TTLL7: variants seen among roughly 807,000 people sequenced by gnomAD.
The protein encoded by TTLL7 is tubulin polyglutamylase TTLL7.
TTLL7 carries 53 observed loss-of-function variants against 120.2 expected under a neutral mutation model. The ratio of observed to expected loss-of-function variants is 0.44; its 90% CI spans 0.35 to 0.55. The LOEUF is 0.55. Ranked by LOEUF, TTLL7 falls within the 20% of genes least tolerant of loss-of-function variation. The pLI, the probability that TTLL7 is intolerant of heterozygous loss-of-function variation, is 0.00. For missense variants in TTLL7, 803 were observed against 1,054.7 expected (o/e 0.76, Z 3.31); for synonymous variants, 353 against 351.7 (o/e 1.00, Z -0.04).
chr1:83,907,198 C>T (rs1657263252), intron 16 of TTLL7, among the ~76,000 whole-genome samples: 1 of 152,044 alleles, frequency 6.6e-6, no homozygotes, highest in Non-Finnish European at 1.5e-5. Context: ...TAATATTATC[C>T]TACTATATCA....
At chr1:83,943,021 G>T (rs576729329) in intron 6 of TTLL7, among the ~76,000 whole-genome samples, 7 of 152,278 alleles carry the variant, frequency 4.6e-5, no homozygotes, top group East Asian at 1.9e-4. Context: ...GGTCCTGGAG[G>T]GGGTAGAATG....
At chr1:83,888,840 G>A (rs1190189117) in intron 19 of TTLL7, among the ~76,000 whole-genome samples, 2 of 151,650 alleles carry the variant, frequency 1.3e-5, no homozygotes, top group African/African-American at 4.8e-5. Flanking sequence ...TATAAAGGAG[G>A]AAAATCACTA....
chr1:83,921,807 T>C (rs898167392), intron 10 of TTLL7, among the ~76,000 whole-genome samples: 2 of 152,128 alleles, frequency 1.3e-5, no homozygotes, highest in African/African-American at 4.8e-5. Context: ...AATAGGTACT[T>C]AATATGTAAT....
intron 13 of TTLL7, among the ~76,000 whole-genome samples, chr1:83,919,065 A>G (rs1658423927): frequency 6.6e-6 from 1 of 152,060 alleles, no homozygotes; most frequent in South Asian, 2.1e-4. Context: ...CATGTGAGTG[A>G]AGCTACCCTG....
chr1:83,946,264 G>C (rs1451926234), intron 6 of TTLL7: 1 of 152,130 alleles, frequency 6.6e-6, no homozygotes, highest in East Asian at 1.9e-4. Flanking sequence ...TGTTAGCCAG[G>C]ATGGTCTCGA....
intron 20 of TTLL7, among the ~76,000 whole-genome samples, chr1:83,874,746 A>G (rs1653766523): frequency 6.6e-6 from 1 of 151,930 alleles, no homozygotes; most frequent in African/African-American, 2.4e-5. Context: ...TTCAAATTCT[A>G]CCTTTGCCAA....
chr1:83,968,297 A>C (rs75457727), intron 1 of TTLL7, among the ~76,000 whole-genome samples: 7,122 of 152,078 alleles, frequency 0.047, 229 homozygotes, highest in Middle Eastern at 0.11. Context: ...CACCTAATCC[A>C]AAAATGAGGT....
At chr1:83,992,063 T>C (rs1441823198) in intron 1 of TTLL7, among the ~76,000 whole-genome samples, 1 of 152,154 alleles carries the variant, frequency 6.6e-6, no homozygotes, top group African/African-American at 2.4e-5. Flanking sequence ...AAGATAAATG[T>C]TTAAAAAAGA....
chr1:83,949,315 G>GTTTTT (rs755429825), intron 4 of TTLL7: 1 of 138,824 alleles, frequency 7.2e-6, no homozygotes. Flanking sequence ...TTTTTGTTTT[G>GTTTTT]TTTTTTTTTT....
intron 10 of TTLL7, among the ~76,000 whole-genome samples, chr1:83,928,123 C>T (rs935801298): frequency 7.9e-5 from 12 of 152,036 alleles, no homozygotes; most frequent in African/African-American, 2.9e-4. Context: ...GAATTGATAC[C>T]ATAAATGGCA....
intron 18 of TTLL7, chr1:83,902,095 C>A: frequency 6.6e-6 from 1 of 152,014 alleles, no homozygotes. Context: ...CTGCCTTCCC[C>A]CCTGTTAGAA....
At chr1:83,947,755 C>T (rs1158078917) in intron 5 of TTLL7, 2 of 152,246 alleles carry the variant, frequency 1.3e-5, no homozygotes, top group African/African-American at 4.8e-5. Flanking sequence ...CAGGCAAATA[C>T]TATTTATGTT....
intron 1 of TTLL7, among the ~76,000 whole-genome samples, chr1:83,963,618 C>G (rs79084452): frequency 6.6e-6 from 1 of 151,936 alleles, no homozygotes; most frequent in Non-Finnish European, 1.5e-5. Flanking sequence ...GAAATAAGAG[C>G]AGGTTTCCTT....
At chr1:83,983,317 G>A (rs1338938488) in intron 1 of TTLL7, among the ~76,000 whole-genome samples, 1 of 152,054 alleles carries the variant, frequency 6.6e-6, no homozygotes, top group Non-Finnish European at 1.5e-5. Context: ...GTGACAGAAC[G>A]AGACTCTGTC....
Position 83,943,050 on chromosome 1 carries a change from T to C in TTLL7, c.507-371A>G, listed in dbSNP as rs116040478. Among the ~76,000 whole-genome samples, 176 of 152,276 alleles carry C rather than the reference T, an allele frequency of 1.2e-3. 2 individuals carry two copies. Among genetic ancestry groups the C allele is most frequent in the African/African-American group, 4.2e-3 (173 of 41,556 alleles). On this transcript the variant is annotated intron_variant, in intron 6 of 20. Transcript: ENST00000260505. Reference sequence around the variant, plus strand: ...TAGAATGGGCTATTCTTACGGTTAGTTGTTTTGACCTGTCTGGTGGCTTCC... The same window carrying C: ...TAGAATGGGCTATTCTTACGGTTAGCTGTTTTGACCTGTCTGGTGGCTTCC...
At position 83,919,908 on chromosome 1, in the gene TTLL7, G is replaced by A. The variant is rs111353303; in HGVS notation, c.1365-74C>T. The A allele has an allele frequency of 2.0e-3, 2,770 of 1,396,662 alleles. 45 individuals are homozygous for A. The African/African-American group carries it at 0.035, about 18-fold the overall frequency. 86.5% of individuals were successfully genotyped at this position (1,396,662 alleles called of 1,614,324 possible). A position where few individuals can be genotyped will look rare whatever the true frequency, so the allele number is the denominator to read the frequency against. The stretch of plus-strand genomic sequence containing the variant: ...CTCAATAGTTAACATCAACTCCATA[G>A]ACAATCCTTGACCATCTATTCTATA... On this transcript the variant is annotated intron_variant, in intron 12 of 20. Coordinates refer to ENST00000260505, the MANE Select transcript of TTLL7 (RefSeq NM_024686.6).
chr1:83,978,417 G>C (rs1651685545), intron 1 of TTLL7, among the ~76,000 whole-genome samples: 1 of 151,996 alleles, frequency 6.6e-6, no homozygotes, highest in African/African-American at 2.4e-5. Flanking sequence ...AAATGAGACA[G>C]ATAAATTATA....
At position 83,904,072 on chromosome 1, in the gene TTLL7, T is replaced by G; in HGVS notation, c.2208+7A>C. The G allele has an allele frequency of 6.2e-7, 1 of 1,609,730 alleles. No individual in the cohort carries two copies. Among genetic ancestry groups the G allele is most frequent in the South Asian group, 1.1e-5 (1 of 90,652 alleles). ...GAGGGAAAAAACTTGTTTTGAGCAT[T>G]ACTCACTTTTCGTTGTTTTACAGAG... is the stretch of plus-strand genomic sequence containing the variant. On this transcript the variant is annotated splice_region_variant and intron_variant, in intron 18 of 20. Coordinates refer to ENST00000260505, the MANE Select transcript of TTLL7 (RefSeq NM_024686.6).
Position 83,898,367 on chromosome 1 carries a change from G to A in TTLL7, c.2208+5712C>T, listed in dbSNP as rs549911331. ...AGGCTAGAGTACATTCCCTTATGAT[G>A]TCTCACTTAAGCACAAGGACCCTTC... On this transcript the variant is annotated intron_variant, in intron 18 of 20. Transcript: ENST00000260505. Among the ~76,000 whole-genome samples the A allele has an allele frequency of 3.3e-5, 5 of 152,028 alleles. No homozygotes were observed. The South Asian group carries it at 1.0e-3, about 32-fold the overall frequency.
Sources: allele counts gnomAD v4.1 joint callset (sites outside exome capture counted in the v4.1 genomes callset), GRCh38; gene constraint gnomAD v4.1.1; transcripts MANE v1.5; gene names NCBI Gene and HGNC (gene_info 2026-07-23, HGNC 2026-07-21).